PEX5L: variants seen among roughly 807,000 people sequenced by gnomAD.
PEX5L encodes the protein peroxisomal biogenesis factor 5 like.
Under a neutral mutation model 84.0 loss-of-function variants are expected in PEX5L, and 30 were observed. That is an observed-to-expected ratio of 0.36 (90% CI 0.27 to 0.48). PEX5L has a LOEUF of 0.48. PEX5L is among the 20% of genes least tolerant of loss of function. The probability of loss-of-function intolerance (pLI) is 0.99; values close to 1 mark genes in which losing one functional copy is unlikely to be tolerated. For synonymous variants in PEX5L, 270 were observed against 283.1 expected (o/e 0.95, Z 0.46); for missense variants, 533 against 754.6 (o/e 0.71, Z 3.44).
intron 2 of PEX5L, among the ~76,000 whole-genome samples, chr3:179,905,349 T>C (rs1247282961): frequency 6.6e-6 from 1 of 151,720 alleles, no homozygotes; most frequent in Non-Finnish European, 1.5e-5. Flanking sequence ...CTTGGCTCAC[T>C]GCAAGCTCTG....
At chr3:179,903,430 A>G (rs6793512) in intron 2 of PEX5L, among the ~76,000 whole-genome samples, 22,518 of 152,120 alleles carry the variant, frequency 0.15, 1,789 homozygotes, top group South Asian at 0.3. Flanking sequence ...GAGTTTTACT[A>G]TGCTGCCCAG....
At chr3:179,964,107 A>G (rs1402249538) in intron 2 of PEX5L, among the ~76,000 whole-genome samples, 2 of 152,086 alleles carry the variant, frequency 1.3e-5, no homozygotes, top group Middle Eastern at 6.3e-3. Flanking sequence ...TAATCAGGTA[A>G]TAAACATATT....
At chr3:179,871,896 T>C (rs1443701018) in intron 7 of PEX5L, among the ~76,000 whole-genome samples, 1 of 152,172 alleles carries the variant, frequency 6.6e-6, no homozygotes, top group African/African-American at 2.4e-5. Context: ...TTCTTTTCTT[T>C]CTTTTTTTGA....
chr3:179,995,716 T>C (rs1451450658), intron 1 of PEX5L, among the ~76,000 whole-genome samples: 2 of 152,142 alleles, frequency 1.3e-5, no homozygotes, highest in African/African-American at 4.8e-5. Flanking sequence ...TTGCCCTGAC[T>C]GAGAGTCTTA....
intron 2 of PEX5L, among the ~76,000 whole-genome samples, chr3:179,899,736 T>G (rs1270629832): frequency 6.6e-6 from 1 of 152,186 alleles, no homozygotes; most frequent in Non-Finnish European, 1.5e-5. Flanking sequence ...GCTGAAAGTT[T>G]GTTTCTTTGT....
At chr3:179,993,454 T>C (rs1165677356) in intron 1 of PEX5L, among the ~76,000 whole-genome samples, 1 of 152,182 alleles carries the variant, frequency 6.6e-6, no homozygotes, top group Non-Finnish European at 1.5e-5. Context: ...CAAAATGCTG[T>C]AGTATTTGCA....
intron 2 of PEX5L, among the ~76,000 whole-genome samples, chr3:179,917,610 C>T (rs1483376551): frequency 6.6e-6 from 1 of 152,136 alleles, no homozygotes; most frequent in East Asian, 1.9e-4. Flanking sequence ...CCATTAAAAT[C>T]TCATGGGACC....
At chr3:179,816,751 T>C (rs1407627982) in intron 9 of PEX5L, among the ~76,000 whole-genome samples, 5 of 152,150 alleles carry the variant, frequency 3.3e-5, no homozygotes, top group Non-Finnish European at 7.4e-5. Flanking sequence ...AATTTTAAAT[T>C]AAATTTATTT....
chr3:179,967,894 C>A (rs909257238), intron 2 of PEX5L, among the ~76,000 whole-genome samples: 1 of 152,128 alleles, frequency 6.6e-6, no homozygotes, highest in Non-Finnish European at 1.5e-5. Context: ...GGGTGGGATC[C>A]AGTAATCTAT....
intron 9 of PEX5L, among the ~76,000 whole-genome samples, chr3:179,818,132 G>A (rs1169895041): frequency 1.3e-5 from 2 of 152,260 alleles, no homozygotes; most frequent in East Asian, 3.9e-4. Flanking sequence ...TAGTGTAAGA[G>A]TAGATACTCA....
rs568586727 is a variant in PEX5L at position 179,797,605 on chromosome 3, A to AATATATATATATATATATATATATAT, written c.*4197_*4222dup. 1.1e-5 allele frequency: 1 copy of AATATATATATATATATATATATATAT among 89,174 alleles called. No homozygotes were observed. Among genetic ancestry groups the AATATATATATATATATATATATATAT allele is most frequent in the African/African-American group, 4.5e-5 (1 of 22,200 alleles). The allele number at this position is 89,174 out of a possible 1,614,324, so 5.5% of individuals were successfully genotyped here. A position where few individuals can be genotyped will look rare whatever the true frequency, so the allele number is the denominator to read the frequency against. ...AACACTCTTTAAAAAAAAAAAAAAAAATATATATATATATATATATATATA... is the reference window on the plus strand; with the variant it reads ...AACACTCTTTAAAAAAAAAAAAAAAAATATATATATATATATATATATATATATATATATATATATATATATATATA... On this transcript the variant is annotated 3_prime_UTR_variant, in exon 15 of 15. Transcript: ENST00000467460.
intron 2 of PEX5L, among the ~76,000 whole-genome samples, chr3:179,919,020 C>T (rs1768278617): frequency 6.6e-6 from 1 of 152,170 alleles, no homozygotes; most frequent in African/African-American, 2.4e-5. Context: ...AAGAACATTC[C>T]ACAGGTTCTA....
intron 1 of PEX5L, among the ~76,000 whole-genome samples, chr3:180,011,508 C>G (rs1789481721): frequency 6.6e-6 from 1 of 152,056 alleles, no homozygotes; most frequent in Non-Finnish European, 1.5e-5. Context: ...TCAGAAGTTG[C>G]CAAGCATTTT....
chr3:179,968,040 A>C (rs4416381), intron 2 of PEX5L, among the ~76,000 whole-genome samples: 114,657 of 152,026 alleles, frequency 0.75, 43,666 homozygotes, highest in East Asian at 0.94. Flanking sequence ...AGGCTATGAA[A>C]CTGCAACTTT....
At chr3:179,945,699 T>C (rs1186669417) in intron 2 of PEX5L, among the ~76,000 whole-genome samples, 1 of 152,050 alleles carries the variant, frequency 6.6e-6, no homozygotes, top group Admixed American at 6.5e-5. Flanking sequence ...TCCTTGGGAG[T>C]GCTACAGAGG....
chr3:180,021,537 T>C (rs1790427850), intron 1 of PEX5L, among the ~76,000 whole-genome samples: 1 of 152,226 alleles, frequency 6.6e-6, no homozygotes, highest in Admixed American at 6.5e-5. Flanking sequence ...TTATAGATGA[T>C]GCTTAACATG....
At chr3:180,008,096 T>A (rs1789092734) in intron 1 of PEX5L, among the ~76,000 whole-genome samples, 1 of 152,224 alleles carries the variant, frequency 6.6e-6, no homozygotes, top group South Asian at 2.1e-4. Context: ...TATGCTTGGC[T>A]TCCCTTATAA....
At chr3:179,847,077 G>GTA (rs1434411293) in intron 8 of PEX5L, among the ~76,000 whole-genome samples, 4,030 of 126,218 alleles carry the variant, frequency 0.032, 176 homozygotes, top group African/African-American at 0.12. Context: ...GTGTGTGTGT[G>GTA]TGTGTATATA....
chr3:179,835,285 T>G (rs1342393253), intron 8 of PEX5L, among the ~76,000 whole-genome samples: 1 of 152,124 alleles, frequency 6.6e-6, no homozygotes, highest in Non-Finnish European at 1.5e-5. Context: ...TAACCTTTCC[T>G]CACATCCAAA....
Sources: gnomAD v4.1 joint callset for allele counts (sites outside exome capture counted in the v4.1 genomes callset) on GRCh38, gnomAD v4.1.1 for gene constraint, MANE v1.5 for transcripts, NCBI Gene and HGNC (gene_info 2026-07-23, HGNC 2026-07-21) for gene names.